ZNF846: variants seen among roughly 807,000 people sequenced by gnomAD.
ZNF846 encodes zinc finger protein 846, also known as zinc finger protein 420 pseudogene.
Under a neutral mutation model 16.0 loss-of-function variants are expected in ZNF846, and 15 were observed. The observed-to-expected ratio is 0.94, with a 90% CI of 0.63 to 1.45. ZNF846 has a LOEUF of 1.45. ZNF846 is among the 40% of genes most tolerant of loss of function. The pLI, the probability that ZNF846 is intolerant of heterozygous loss-of-function variation, is 0.00. For missense variants in ZNF846, 714 were observed against 622.3 expected, an observed-to-expected ratio of 1.15 and a Z score of -1.57; for synonymous variants, 229 against 212.0, an observed-to-expected ratio of 1.08 and a Z score of -0.70.
chr19:9,757,708 T>C (rs1395136867), exon 6 of ZNF846: 13 of 1,613,424 alleles, frequency 8.1e-6, no homozygotes, highest in Non-Finnish European at 1.1e-5. Context: ...GCAAATGCTT[T>C]ACCGCATTCC....
chr19:9,757,696 G>C, exon 6 of ZNF846: 1 of 1,613,082 alleles, frequency 6.2e-7, no homozygotes. Context: ...TTTGTGGAAC[G>C]AGCAAATGCT....
intron 1 of ZNF846, chr19:9,774,878 G>A (rs2045422593): frequency 6.2e-7 from 1 of 1,610,140 alleles, no homozygotes; most frequent in East Asian, 2.2e-5. Context: ...CCTAGCTGAA[G>A]AATACTCTAA....
chr19:9,760,607 A>G (rs998948180), intron 4 of ZNF846, among the ~76,000 whole-genome samples: 1 of 151,118 alleles, frequency 6.6e-6, no homozygotes, highest in Non-Finnish European at 1.5e-5. Context: ...TGGCTGAGTC[A>G]TGAGAATCAC....
intron 2 of ZNF846, 39 bp from the exon 3 acceptor site, chr19:9,763,447 A>T: frequency 6.4e-7 from 1 of 1,550,444 alleles, no homozygotes; most frequent in Non-Finnish European, 8.7e-7. Context: ...GCTAAGTACC[A>T]TCTCCTTTGA....
intron 4 of ZNF846, among the ~76,000 whole-genome samples, chr19:9,760,766 T>A (rs982378515): frequency 6.6e-6 from 1 of 151,100 alleles, no homozygotes; most frequent in East Asian, 1.9e-4. Context: ...AGAGAAAAGG[T>A]TACATTGTAT....
chr19:9,775,773 A>C (rs901612258), intron 1 of ZNF846, among the ~76,000 whole-genome samples: 1 of 152,192 alleles, frequency 6.6e-6, no homozygotes, highest in African/African-American at 2.4e-5. Context: ...TGTGGGCAGC[A>C]AGCCACCCAG....
intron 3 of ZNF846, among the ~76,000 whole-genome samples, chr19:9,762,868 T>C (rs897165647): frequency 2.6e-5 from 4 of 152,086 alleles, no homozygotes; most frequent in Non-Finnish European, 5.9e-5. Flanking sequence ...GCCCAGGCCA[T>C]GCATGGTGGC....
At chr19:9,763,725 C>T (rs888110471) in intron 2 of ZNF846, among the ~76,000 whole-genome samples, 1 of 152,210 alleles carries the variant, frequency 6.6e-6, no homozygotes, top group Non-Finnish European at 1.5e-5. Flanking sequence ...TGAATTATCT[C>T]CACAGTGACA....
At chr19:9,757,551 T>C (rs2045150908) in exon 6 of ZNF846, 1 of 1,612,616 alleles carries the variant, frequency 6.2e-7, no homozygotes, top group Admixed American at 1.7e-5. Context: ...CCCACATTTC[T>C]TACATTCATA....
At chr19:9,773,378 C>T (rs1219296157), upstream of ZNF846, among the ~76,000 whole-genome samples, 1 of 151,208 alleles carries the variant, frequency 6.6e-6, no homozygotes, top group Non-Finnish European at 1.5e-5. Flanking sequence ...TTAGTGAATA[C>T]TTTCTTAAGA....
exon 6 of ZNF846, chr19:9,758,058 C>T: frequency 6.2e-7 from 1 of 1,613,572 alleles, no homozygotes; most frequent in Non-Finnish European, 8.5e-7. Context: ...ACACTCCTTA[C>T]ATTCATATGG....
chr19:9,774,827 C>T (rs1002376371), intron 1 of ZNF846: 9 of 1,608,102 alleles, frequency 5.6e-6, no homozygotes, highest in Non-Finnish European at 6.8e-6. Context: ...CCTCATAGCA[C>T]TGGTGAATGA....
At chr19:9,768,245 G>A (rs2045348384) in intron 1 of ZNF846, 44 bp downstream of exon 1, 1 of 152,194 alleles carries the variant, frequency 6.6e-6, no homozygotes, top group Non-Finnish European at 1.5e-5. Context: ...TTCAATAAGC[G>A]ATGCCCTCCC....
chr19:9,749,243 T>C (rs2045065979), downstream of ZNF846, among the ~76,000 whole-genome samples: 1 of 152,204 alleles, frequency 6.6e-6, no homozygotes, highest in African/African-American at 2.4e-5. Context: ...GGTCTATTCG[T>C]CCTTACCCTA....
chr19:9,769,115 C>T (rs1463061180), upstream of ZNF846, among the ~76,000 whole-genome samples: 2 of 152,152 alleles, frequency 1.3e-5, no homozygotes, highest in Non-Finnish European at 2.9e-5. Flanking sequence ...GATAAGGCTC[C>T]GGTCTGTCGC....
At chr19:9,784,708 C>A (rs2045540864) in intron 1 of ZNF846, among the ~76,000 whole-genome samples, 1 of 152,116 alleles carries the variant, frequency 6.6e-6, no homozygotes, top group Non-Finnish European at 1.5e-5. Flanking sequence ...TTGGACAATA[C>A]CCGGGCTTTC....
downstream of ZNF846, chr19:9,755,429 C>T (rs909647788): frequency 2.0e-5 from 3 of 151,472 alleles, no homozygotes; most frequent in African/African-American, 7.3e-5. Flanking sequence ...TATCTGAAAG[C>T]TTCCCATAAC....
In ZNF846 at chr19:9,759,856, T is replaced by A; in HGVS notation, c.312+4A>T. ...TGGAAGATTTCATCCCTTGGAAATC[T>A]TACCAATTGTACTCCATTTGGTGAT... On this transcript the variant is annotated splice_donor_region_variant and intron_variant, in intron 5 of 5. Coordinates refer to ENST00000397902, the Ensembl canonical transcript of ZNF846. 1 of 1,609,282 alleles carries A rather than the reference T, an allele frequency of 6.2e-7. No homozygotes were observed.
At chr19:9,758,986 ATCTG>A (rs1229072122) in intron 5 of ZNF846, among the ~76,000 whole-genome samples, 2 of 151,694 alleles carry the variant, frequency 1.3e-5, no homozygotes, top group African/African-American at 4.9e-5. Flanking sequence ...TTCTTAGACA[ATCTG>A]TCTGATATTT....
Sources: gnomAD v4.1 joint callset for allele counts (sites outside exome capture counted in the v4.1 genomes callset) on GRCh38, gnomAD v4.1.1 for gene constraint, MANE v1.5 for transcripts, NCBI Gene and HGNC (gene_info 2026-07-23, HGNC 2026-07-21) for gene names.